Variants in LRGUK observed in about 807,000 individuals in gnomAD.
LRGUK encodes the protein leucine rich repeats and guanylate kinase domain containing.
LRGUK carries 65 observed loss-of-function variants against 76.0 expected under a neutral mutation model. That is an observed-to-expected ratio of 0.85 (90% CI 0.70 to 1.05). The LOEUF (loss-of-function observed/expected upper bound fraction) is 1.05, where lower values mean the gene tolerates loss of function less well. LRGUK is among the 50% of genes least tolerant of loss of function. LRGUK has a pLI of 0.00. For synonymous variants in LRGUK, 268 were observed against 265.6 expected, an observed-to-expected ratio of 1.01 and a Z score of -0.09; for missense variants, 758 against 732.8, an observed-to-expected ratio of 1.03 and a Z score of -0.40.
At chr7:134,178,708 T>A in intron 10 of LRGUK, 99 bp downstream of exon 10, 1 of 779,890 alleles carries the variant, frequency 1.3e-6, no homozygotes. Flanking sequence ...CTTTATTTCC[T>A]ATAAAGGCTG....
At chr7:134,269,416 C>T (rs1802920590), downstream of LRGUK, among the ~76,000 whole-genome samples, 1 of 149,266 alleles carries the variant, frequency 6.7e-6, no homozygotes, top group Non-Finnish European at 1.5e-5. Flanking sequence ...GCAGTGGTGC[C>T]ACCATAGCTT....
At position 134,148,230 on chromosome 7, in the gene LRGUK, C is replaced by A; in HGVS notation, c.589-8C>A. ...TAATATAACATCTTGTTCTCTTTCT[C>A]TTGCCAGAAGGCGGATTTTTCCCAC... On this transcript the variant is annotated splice_polypyrimidine_tract_variant and splice_region_variant and intron_variant, in intron 4 of 15. Transcript: ENST00000645682. The A allele has an allele frequency of 6.3e-7, 1 of 1,579,638 alleles. No homozygotes were observed. Among genetic ancestry groups the A allele is most frequent in the Non-Finnish European group, 8.7e-7 (1 of 1,154,318 alleles).
At chr7:134,196,966 A>G in intron 12 of LRGUK, 26 bp from the exon 13 acceptor site, 1 of 1,273,364 alleles carries the variant, frequency 7.9e-7, no homozygotes, top group Non-Finnish European at 1.1e-6. Context: ...TGTTATATGA[A>G]AATCTTTGTT....
intron 1 of LRGUK, among the ~76,000 whole-genome samples, chr7:134,131,923 C>A (rs442484): frequency 0.99 from 150,263 of 152,262 alleles, 74,173 homozygotes; most frequent in East Asian, 1. Flanking sequence ...CACGAATAGA[C>A]CCATAAAGGT....
chr7:134,178,756 A>C (rs1799598004), intron 10 of LRGUK, 147 bp downstream of exon 10: 3 of 542,220 alleles, frequency 5.5e-6, no homozygotes, highest in South Asian at 2.8e-5. Context: ...CCAAGTCTTT[A>C]TTTGATAGAC....
intron 15 of LRGUK, among the ~76,000 whole-genome samples, chr7:134,217,431 T>C (rs1039133306): frequency 2.6e-5 from 4 of 152,228 alleles, no homozygotes; most frequent in African/African-American, 9.6e-5. Flanking sequence ...ACTGTTAGTA[T>C]AGTTTAATAA....
At chr7:134,195,582 C>T (rs761053240) in intron 12 of LRGUK, among the ~76,000 whole-genome samples, 1 of 152,100 alleles carries the variant, frequency 6.6e-6, no homozygotes, top group Non-Finnish European at 1.5e-5. Flanking sequence ...ATAAAGTCCA[C>T]CTATATTATG....
chr7:134,142,277 C>A (rs1797798663), intron 3 of LRGUK, among the ~76,000 whole-genome samples: 1 of 152,198 alleles, frequency 6.6e-6, no homozygotes. Flanking sequence ...AGGGCCATAA[C>A]CCTTACTGTG....
chr7:134,249,101 G>C, intron 18 of LRGUK, 25 bp downstream of exon 18: 1 of 1,537,974 alleles, frequency 6.5e-7, no homozygotes, highest in Non-Finnish European at 8.8e-7. Context: ...TTTGTTGGAT[G>C]GAATTGGCTA....
At chr7:134,220,642 G>C (rs1801567605) in intron 15 of LRGUK, among the ~76,000 whole-genome samples, 2 of 151,620 alleles carry the variant, frequency 1.3e-5, no homozygotes, top group Non-Finnish European at 2.9e-5. Context: ...ACCCAGGCTG[G>C]AGTGCAGCCT....
chr7:134,157,289 G>A (rs1040844141), intron 5 of LRGUK, among the ~76,000 whole-genome samples: 122 of 152,286 alleles, frequency 8.0e-4, no homozygotes, highest in African/African-American at 2.9e-3. Flanking sequence ...CCCATTTGCT[G>A]CAGATGACAT....
At chr7:134,133,030 G>C (rs767036613) in intron 1 of LRGUK, among the ~76,000 whole-genome samples, 1 of 152,224 alleles carries the variant, frequency 6.6e-6, no homozygotes, top group Non-Finnish European at 1.5e-5. Context: ...AAGAGGCCCA[G>C]CTGAAAGTCA....
intron 12 of LRGUK, among the ~76,000 whole-genome samples, chr7:134,196,242 A>G (rs887469367): frequency 6.6e-6 from 1 of 152,178 alleles, no homozygotes; most frequent in Non-Finnish European, 1.5e-5. Context: ...TAATGAATAT[A>G]GTATTGCCAA....
chr7:134,224,433 C>T (rs941996170), intron 16 of LRGUK, among the ~76,000 whole-genome samples: 3 of 152,136 alleles, frequency 2.0e-5, no homozygotes, highest in African/African-American at 7.2e-5. Flanking sequence ...AGGCCATTAT[C>T]CTTAGTAAAC....
At position 134,224,572 on chromosome 7, in the gene LRGUK, T is replaced by A. The variant is rs191354861; in HGVS notation, c.1983+2654T>A. ...GTGAAGGGTGGGAGGAGGGAGAGGA[T>A]CAGGAAAAATAACTAATGGGTACTA... On this transcript the variant is annotated intron_variant, in intron 16 of 19. Coordinates refer to the LRGUK transcript ENST00000285928. Among the ~76,000 whole-genome samples, 371 of 151,898 alleles carry A rather than the reference T, an allele frequency of 2.4e-3. 2 individuals are homozygous for A. Among genetic ancestry groups the A allele is most frequent in the African/African-American group, 8.4e-3 (349 of 41,414 alleles).
chr7:134,209,800 C>G (rs1480733764), exon 16 of LRGUK: 1 of 399,484 alleles, frequency 2.5e-6, no homozygotes, highest in Admixed American at 4.4e-5. Context: ...AAGAGAAGGT[C>G]AGTGAGGTGA....
chr7:134,248,919 G>GTT (rs34245697), intron 17 of LRGUK, 32 bp from the exon 18 acceptor site: 4,114 of 1,180,622 alleles, frequency 3.5e-3, no homozygotes, highest in South Asian at 8.5e-3. Flanking sequence ...AAATCCTTTG[G>GTT]TTTTTTTTTT....
downstream of LRGUK, among the ~76,000 whole-genome samples, chr7:134,266,723 T>A (rs544267254): frequency 5.9e-5 from 9 of 152,260 alleles, no homozygotes; most frequent in East Asian, 1.7e-3. Context: ...AGTGTGAGAC[T>A]GAAAAATATT....
At position 134,242,962 on chromosome 7, in the gene LRGUK, A is replaced by T. The variant is rs556062089; in HGVS notation, c.1984-4594A>T. 1.9e-4 allele frequency among the ~76,000 whole-genome samples: 29 copies of T among 152,330 alleles called. No individual in the cohort carries two copies. In the South Asian group the frequency reaches 4.1e-3, roughly 22 times the overall value. On this transcript the variant is annotated intron_variant, in intron 16 of 19. Coordinates refer to the LRGUK transcript ENST00000285928. Reference sequence around the variant, plus strand: ...AACCAAAGACAAAAACCACATGATTATCTCAATACATGCAGAAAAGGCCTT... The same window carrying T: ...AACCAAAGACAAAAACCACATGATTTTCTCAATACATGCAGAAAAGGCCTT...
Sources: gnomAD v4.1 joint callset for allele counts (sites outside exome capture counted in the v4.1 genomes callset) on GRCh38, gnomAD v4.1.1 for gene constraint, MANE v1.5 for transcripts, NCBI Gene and HGNC (gene_info 2026-07-23, HGNC 2026-07-21) for gene names.